GTPBP1: variants seen among roughly 807,000 people sequenced by gnomAD.
GTPBP1 encodes the protein GTP binding protein 1, also known as GTP-binding protein 1.
Under a neutral mutation model 62.0 loss-of-function variants are expected in GTPBP1, and 23 were observed. That is an observed-to-expected ratio of 0.37 (90% CI 0.27 to 0.53). The LOEUF (loss-of-function observed/expected upper bound fraction) is 0.53, where lower values mean the gene tolerates loss of function less well. Among genes scored for constraint, GTPBP1 ranks in the 20% least tolerant of loss-of-function variants. The probability of loss-of-function intolerance (pLI) is 0.89; values close to 1 mark genes in which losing one functional copy is unlikely to be tolerated. For missense variants in GTPBP1, 640 were observed against 917.3 expected, an observed-to-expected ratio of 0.70 and a Z score of 3.90; for synonymous variants, 344 against 364.4, an observed-to-expected ratio of 0.94 and a Z score of 0.64.
chr22:38,739,179 C>A, downstream of GTPBP1: 1 of 925,220 alleles, frequency 1.1e-6, no homozygotes, highest in South Asian at 1.5e-5. This position sits in a 1 kb window ranked among gnomAD's most constrained non-coding sequence, Gnocchi z 6.7. Context: ...TACGTCCTGA[C>A]TTCCCTGAAT....
At chr22:38,734,375 C>T (rs933431719), downstream of GTPBP1, 15 of 428,106 alleles carry the variant, frequency 3.5e-5, no homozygotes, top group Admixed American at 2.5e-4. Flanking sequence ...AATCACTGCA[C>T]TCCAAGTGGA....
chr22:38,742,333 C>T (rs964213313), downstream of GTPBP1: 2 of 1,606,606 alleles, frequency 1.2e-6, no homozygotes, highest in East Asian at 4.5e-5. Flanking sequence ...CTGCGGAAAT[C>T]CTCCTTCAGG....
chr22:38,738,117 C>G, downstream of GTPBP1: 1 of 1,511,038 alleles, frequency 6.6e-7, no homozygotes, highest in Non-Finnish European at 9.2e-7. The surrounding 1 kb of genome is among the most constrained non-coding windows in gnomAD (Gnocchi z 6.6). Context: ...CAGGGAGCAC[C>G]TGCTGCCTGG....
intron 10 of GTPBP1, 170 bp downstream of exon 10, chr22:38,728,331 C>G (rs1225768136): frequency 1.7e-6 from 1 of 596,906 alleles, no homozygotes; most frequent in African/African-American, 1.8e-5. Context: ...CTGTGGCCTC[C>G]TGTCCTGGGC....
At chr22:38,723,410 A>T (rs1486458524) in intron 5 of GTPBP1, 3 of 1,060,818 alleles carry the variant, frequency 2.8e-6, no homozygotes, top group African/African-American at 1.6e-5. Context: ...AGAAGCAGCA[A>T]GCTTGAGGGC....
chr22:38,737,476 G>A (rs1401961098), downstream of GTPBP1, among the ~76,000 whole-genome samples: 3 of 152,056 alleles, frequency 2.0e-5, no homozygotes, highest in Admixed American at 6.6e-5. The surrounding 1 kb of genome is among the most constrained non-coding windows in gnomAD (Gnocchi z 4.1). Flanking sequence ...TCGCCCCTTC[G>A]AGTCATATAG....
At chr22:38,738,503 G>C (rs2092826664), downstream of GTPBP1, 4 of 1,537,858 alleles carry the variant, frequency 2.6e-6, no homozygotes, top group Non-Finnish European at 3.5e-6. This position sits in a 1 kb window ranked among gnomAD's most constrained non-coding sequence, Gnocchi z 6.6. Context: ...CCAGTCCAAG[G>C]GTGACCCTGA....
chr22:38,738,358 G>A, downstream of GTPBP1: 2 of 1,230,640 alleles, frequency 1.6e-6, no homozygotes, highest in Non-Finnish European at 2.3e-6. The surrounding 1 kb of genome is among the most constrained non-coding windows in gnomAD (Gnocchi z 6.6). Context: ...CAGCAGGTCA[G>A]GCACCAGAGT....
At chr22:38,738,545 C>T (rs143795190), downstream of GTPBP1, 1 of 1,592,842 alleles carries the variant, frequency 6.3e-7, no homozygotes, top group Admixed American at 1.7e-5. This position sits in a 1 kb window ranked among gnomAD's most constrained non-coding sequence, Gnocchi z 6.6. Context: ...CCACAGGATC[C>T]CCCTGCAGCC....
chr22:38,734,377 C>T (rs769291360), downstream of GTPBP1: 2 of 425,902 alleles, frequency 4.7e-6, no homozygotes, highest in South Asian at 3.4e-5. Flanking sequence ...TCACTGCACT[C>T]CAAGTGGACG....
At position 38,729,555 on chromosome 22, in the gene GTPBP1, G is replaced by A. The variant is rs991995710; in HGVS notation, c.1810G>A (p.Glu604Lys). 20 of 1,604,640 alleles carry A rather than the reference G, an allele frequency of 1.2e-5. No homozygotes were observed. Among genetic ancestry groups the A allele is most frequent in the Non-Finnish European group, 1.6e-5 (19 of 1,175,740 alleles). Residue 604 changes from glutamate (E) to lysine (K), a missense_variant, in exon 11 of 12, where the codon GAG (glutamate) becomes AAG (lysine). By Grantham distance (56) the Glu-to-Lys change is moderately conservative. This residue lies in a region of GTPBP1 where 117 missense variants were observed against 107.1 expected (regional missense o/e 1.09). Transcript: ENST00000216044. The part of the protein sequence containing the change: ...TKKGPLTKRD[E>K]GGPSGGPAVG... The stretch of plus-strand genomic sequence containing the variant: ...AAAGGGCCCCCTGACGAAACGAGAC[G>A]AGGGGGGCCCGTCTGGTGGGCCAGC...
intron 2 of GTPBP1, among the ~76,000 whole-genome samples, chr22:38,715,033 A>C (rs183883813): frequency 8.5e-5 from 13 of 152,122 alleles, no homozygotes; most frequent in African/African-American, 3.1e-4. Flanking sequence ...TAAAAATCTT[A>C]TCTCTAAAAT....
chr22:38,727,259 G>C lies in GTPBP1; in HGVS notation c.1448G>C (p.Arg483Pro), dbSNP rs369281526. 1.2e-6 allele frequency: 2 copies of C among 1,602,728 alleles called. No individual in the cohort carries two copies. Among genetic ancestry groups the C allele is most frequent in the East Asian group, 2.3e-5 (1 of 43,242 alleles). Residue 483 changes from arginine to proline, a missense_variant, in exon 9 of 12, where the codon CGT becomes CCT. By Grantham distance (103) the Arg-to-Pro change is moderately radical. Coordinates refer to ENST00000216044, the MANE Select transcript of GTPBP1 (RefSeq NM_004286.5). This position sits in a 1 kb window ranked among gnomAD's most constrained non-coding sequence, Gnocchi z 6.5. ...IRKGMVMVSP[R>P]LNPQASWEFE... The stretch of plus-strand genomic sequence containing the variant: ...AAGGGCATGGTGATGGTTTCCCCAC[G>C]TTTGAATCCCCAAGCCTCCTGGGAG...
chr22:38,724,695 T>C (rs2092718062), intron 6 of GTPBP1, among the ~76,000 whole-genome samples: 2 of 152,158 alleles, frequency 1.3e-5, no homozygotes, highest in Non-Finnish European at 2.9e-5. Context: ...TCCTTATCTG[T>C]GAAATGGGAA....
intron 10 of GTPBP1, chr22:38,728,907 C>T (rs2235229): frequency 0.5 from 76,028 of 152,486 alleles, 21,197 homozygotes; most frequent in Admixed American, 0.64. Context: ...AAGTCAGTTA[C>T]TTCTGGCCAA....
At chr22:38,741,372 G>A, downstream of GTPBP1, 1 of 1,012,676 alleles carries the variant, frequency 9.9e-7, no homozygotes. Context: ...GTCAGAGGAG[G>A]GCACTCCCCT....
rs566299184 is a variant in GTPBP1, at chr22:38,726,661, G to A, written c.1401+221G>A. ...CGAGGAATGCCTCCTTCTAAGCTCC[G>A]TTCCTCCCTCTGGTGCCTGAGCAGG... On this transcript the variant is annotated intron_variant, in intron 8 of 11. Coordinates refer to ENST00000216044, the MANE Select transcript of GTPBP1 (RefSeq NM_004286.5). This position sits in a 1 kb window ranked among gnomAD's most constrained non-coding sequence, Gnocchi z 4.1. 5.9e-5 allele frequency among the ~76,000 whole-genome samples: 9 copies of A among 152,290 alleles called. No individual in the cohort carries two copies. Among genetic ancestry groups the A allele is most frequent in the Admixed American group, 5.9e-4 (9 of 15,302 alleles).
In GTPBP1 at chr22:38,716,102, G is replaced by A; in HGVS notation, c.485+15G>A. Reference sequence around the variant, plus strand: ...CTGGAGGTCAGGTGAGGAGGCCGCGGGACATTTTGGGGTCCCCATTCTTCA... The same window carrying A: ...CTGGAGGTCAGGTGAGGAGGCCGCGAGACATTTTGGGGTCCCCATTCTTCA... On this transcript the variant is annotated intron_variant, in intron 3 of 11. Coordinates refer to ENST00000216044, the MANE Select transcript of GTPBP1 (RefSeq NM_004286.5). This position sits in a 1 kb window ranked among gnomAD's most constrained non-coding sequence, Gnocchi z 5.2. 1 of 1,559,052 alleles carries A rather than the reference G, an allele frequency of 6.4e-7. No homozygotes were observed. Among genetic ancestry groups the A allele is most frequent in the Non-Finnish European group, 8.7e-7 (1 of 1,150,240 alleles).
downstream of GTPBP1, chr22:38,738,969 G>C: frequency 1.2e-6 from 2 of 1,612,844 alleles, no homozygotes; most frequent in Non-Finnish European, 1.7e-6. This position sits in a 1 kb window ranked among gnomAD's most constrained non-coding sequence, Gnocchi z 6.6. Flanking sequence ...CAGAACATCG[G>C]GTGCTGATGA....
Sources: allele counts gnomAD v4.1 joint callset (sites outside exome capture counted in the v4.1 genomes callset), GRCh38; gene constraint gnomAD v4.1.1; regional missense constraint gnomAD v4.1.1; non-coding constraint Gnocchi (gnomAD v3.1); transcripts MANE v1.5; gene names NCBI Gene and HGNC (gene_info 2026-07-23, HGNC 2026-07-21).